The following AJAP1 variants were observed in gnomAD, a reference collection of about 807,000 sequenced individuals.
AJAP1 encodes adherens junction-associated protein 1.
In AJAP1, 5 loss-of-function variants were observed where a neutral mutation model predicts 35.0. The ratio of observed to expected loss-of-function variants is 0.14; its 90% CI spans 0.07 to 0.30. The LOEUF (loss-of-function observed/expected upper bound fraction) is 0.30, where lower values mean the gene tolerates loss of function less well. AJAP1 is among the 10% of genes least tolerant of loss of function. The pLI, the probability that AJAP1 is intolerant of heterozygous loss-of-function variation, is 1.00. For synonymous variants in AJAP1, 284 were observed against 249.3 expected, an observed-to-expected ratio of 1.14 and a Z score of -1.31; for missense variants, 586 against 571.0, an observed-to-expected ratio of 1.03 and a Z score of -0.27.
chr1:4,707,597 T>G (rs915194949), intron 1 of AJAP1, among the ~76,000 whole-genome samples: 2 of 152,170 alleles, frequency 1.3e-5, no homozygotes, highest in African/African-American at 4.8e-5. Context: ...AATCCTGCCT[T>G]CCTTTTAAAG....
chr1:4,711,804 C>T (rs1257853913), intron 1 of AJAP1, 96 bp from the exon 2 acceptor site: 2 of 983,248 alleles, frequency 2.0e-6, no homozygotes, highest in Non-Finnish European at 2.9e-6. Flanking sequence ...AGAGAGCGTC[C>T]TTGTCACAGC....
In AJAP1 at chr1:4,775,444, G is replaced by T. The variant is rs950145311; in HGVS notation, c.*59+886G>T. On this transcript the variant is annotated intron_variant, in intron 5 of 5. Coordinates refer to ENST00000378191, the MANE Select transcript of AJAP1 (RefSeq NM_018836.4). Reference sequence around the variant, plus strand: ...AGTAGGGAGCCGTATTTCTAGGATAGAATACCAATATTTGAAAATATTTTT... The same window carrying T: ...AGTAGGGAGCCGTATTTCTAGGATATAATACCAATATTTGAAAATATTTTT... Among the ~76,000 whole-genome samples the T allele has an allele frequency of 1.1e-4, 16 of 152,284 alleles. No individual in the cohort carries two copies. In the East Asian group the frequency reaches 2.9e-3, roughly 28 times the overall value.
chr1:4,706,830 C>T (rs58348176), intron 1 of AJAP1, among the ~76,000 whole-genome samples: 19 of 151,938 alleles, frequency 1.3e-4, no homozygotes, highest in South Asian at 2.1e-4. Flanking sequence ...AACTGTTCTT[C>T]GGGAAAAAAG....
chr1:4,690,581 C>G (rs149804438), intron 1 of AJAP1, among the ~76,000 whole-genome samples: 3 of 152,332 alleles, frequency 2.0e-5, no homozygotes, highest in Admixed American at 2.0e-4. Flanking sequence ...ACACGGTGTC[C>G]CCCACTTTTA....
intron 2 of AJAP1, among the ~76,000 whole-genome samples, chr1:4,715,162 A>G (rs1001388744): frequency 1.3e-5 from 2 of 152,158 alleles, no homozygotes; most frequent in Non-Finnish European, 2.9e-5. Flanking sequence ...CGCCCCCAAC[A>G]TTTGGTGGAA....
chr1:4,728,959 G>T (rs896441971), intron 2 of AJAP1, among the ~76,000 whole-genome samples: 1 of 152,120 alleles, frequency 6.6e-6, no homozygotes, highest in Non-Finnish European at 1.5e-5. Flanking sequence ...ACACATCCAT[G>T]TTTCCATTAT....
intron 1 of AJAP1, among the ~76,000 whole-genome samples, chr1:4,707,314 A>G (rs1260480047): frequency 6.6e-6 from 1 of 152,162 alleles, no homozygotes; most frequent in Non-Finnish European, 1.5e-5. Context: ...CACCTATTAC[A>G]AATGTACAGT....
intron 2 of AJAP1, among the ~76,000 whole-genome samples, chr1:4,764,481 C>A (rs1430852880): frequency 6.6e-6 from 1 of 152,166 alleles, no homozygotes; most frequent in Non-Finnish European, 1.5e-5. Flanking sequence ...CTAGTCAGGC[C>A]AACGTGTTCC....
intron 2 of AJAP1, among the ~76,000 whole-genome samples, chr1:4,752,839 A>G (rs1570196163): frequency 6.6e-6 from 1 of 152,262 alleles, no homozygotes; most frequent in Middle Eastern, 3.2e-3. Context: ...AATTCAAAGC[A>G]TAAGACAAAG....
intron 1 of AJAP1, among the ~76,000 whole-genome samples, chr1:4,665,765 G>A (rs1421115139): frequency 3.3e-5 from 5 of 152,206 alleles, no homozygotes; most frequent in South Asian, 4.1e-4. Flanking sequence ...AGTGGCCACC[G>A]CGTGCTGGGT....
intron 3 of AJAP1, 38 bp downstream of exon 3, chr1:4,769,978 G>A: frequency 6.5e-7 from 1 of 1,543,508 alleles, no homozygotes; most frequent in Middle Eastern, 1.7e-4. Context: ...AGAAATGGGG[G>A]ACTACCGGGG....
intron 1 of AJAP1, among the ~76,000 whole-genome samples, chr1:4,706,777 A>G (rs1232205781): frequency 2.6e-5 from 4 of 152,230 alleles, no homozygotes; most frequent in African/African-American, 9.6e-5. Flanking sequence ...AAGAAAATAT[A>G]CAGAAGGTAG....
Position 4,712,101 on chromosome 1 carries a change from G to A in AJAP1, c.231G>A (p.Pro77=), listed in dbSNP as rs768695809. Reference sequence around the variant, plus strand: ...GACAGCCAGCGCGGGTCCCGGCCCCGGTGTGGAGCCCCCGGCCGCCCCGAG... The same window carrying A: ...GACAGCCAGCGCGGGTCCCGGCCCCAGTGTGGAGCCCCCGGCCGCCCCGAG... The part of the protein sequence containing the change: ...RSGQPARVPA[P]VWSPRPPRVE... The change falls in exon 2 of 6, where the codon CCG becomes CCA. Residue 77 remains proline (P), a synonymous_variant. Transcript: ENST00000378191. 5.2e-6 allele frequency: 8 copies of A among 1,549,910 alleles called. No individual in the cohort carries two copies. The highest frequency in any genetic ancestry group is 6.1e-6 in the Non-Finnish European group (7 of 1,155,864).
chr1:4,655,290 C>CGCGGCCG lies in AJAP1; in HGVS notation c.-131_-125dup, dbSNP rs1241646452. On this transcript the variant is annotated 5_prime_UTR_variant, in exon 1 of 6. Transcript: ENST00000378191. The surrounding 1 kb of genome is among the most constrained non-coding windows in gnomAD (Gnocchi z 6.9). Reference sequence around the variant, plus strand: ...CCGCGCTCTGACTCGCTGTGCGCCCCGCGGCCGGCGGGCGGCGGGAGGCGG... The same window carrying CGCGGCCG: ...CCGCGCTCTGACTCGCTGTGCGCCCCGCGGCCGGCGGCCGGCGGGCGGCGGGAGGCGG... 3 of 608,792 alleles carry CGCGGCCG rather than the reference C, an allele frequency of 4.9e-6. No homozygotes were observed. Among genetic ancestry groups the CGCGGCCG allele is most frequent in the Non-Finnish European group, 6.5e-6 (3 of 464,558 alleles). The allele number at this position is 608,792 out of a possible 1,614,324, so 37.7% of individuals were successfully genotyped here. A position where few individuals can be genotyped will look rare whatever the true frequency, so the allele number is the denominator to read the frequency against.
At position 4,693,298 on chromosome 1, in the gene AJAP1, G is replaced by A. The variant is rs1240575199; in HGVS notation, c.30-18602G>A. ...AGCCCGTGGTCAGGGGACGTCAGGGGCATGTGCTGATGGAGAGGGACTCTC... is the reference window on the plus strand; with the variant it reads ...AGCCCGTGGTCAGGGGACGTCAGGGACATGTGCTGATGGAGAGGGACTCTC... On this transcript the variant is annotated intron_variant, in intron 1 of 5. Coordinates refer to ENST00000378191, the MANE Select transcript of AJAP1 (RefSeq NM_018836.4). The surrounding 1 kb of genome is among the most constrained non-coding windows in gnomAD (Gnocchi z 4.4). 4.0e-5 allele frequency among the ~76,000 whole-genome samples: 6 copies of A among 151,644 alleles called. No individual in the cohort carries two copies. Among genetic ancestry groups the A allele is most frequent in the Admixed American group, 6.6e-5 (1 of 15,230 alleles).
intron 1 of AJAP1, among the ~76,000 whole-genome samples, chr1:4,671,371 A>G (rs1420035949): frequency 6.9e-6 from 1 of 145,214 alleles, no homozygotes; most frequent in African/African-American, 2.6e-5. Flanking sequence ...TCTGCCTCAA[A>G]AAAAAAAAAA....
At chr1:4,779,132 C>T (rs1642012185) in intron 5 of AJAP1, among the ~76,000 whole-genome samples, 1 of 152,160 alleles carries the variant, frequency 6.6e-6, no homozygotes, top group South Asian at 2.1e-4. Flanking sequence ...AATGGGGCAT[C>T]CAAGAGGCCC....
chr1:4,737,551 G>C (rs1345770639), intron 2 of AJAP1, among the ~76,000 whole-genome samples: 3 of 151,802 alleles, frequency 2.0e-5, no homozygotes, highest in Admixed American at 2.0e-4. Flanking sequence ...GCATAGGCAG[G>C]GCCAGGGTGC....
chr1:4,763,981 T>G (rs1641627585), intron 2 of AJAP1, among the ~76,000 whole-genome samples: 1 of 151,740 alleles, frequency 6.6e-6, no homozygotes, highest in Admixed American at 6.6e-5. Flanking sequence ...CTTCCACCAG[T>G]GTCCCTGCCC....
Sources: gnomAD v4.1 joint callset for allele counts (sites outside exome capture counted in the v4.1 genomes callset) on GRCh38, gnomAD v4.1.1 for gene constraint, Gnocchi (gnomAD v3.1) non-coding constraint, MANE v1.5 for transcripts, NCBI Gene and HGNC (gene_info 2026-07-23, HGNC 2026-07-21) for gene names.